PPARGC1B: variants seen among roughly 807,000 people sequenced by gnomAD.
PPARGC1B encodes the protein peroxisome proliferator-activated receptor gamma coactivator 1-beta.
Under a neutral mutation model 101.6 loss-of-function variants are expected in PPARGC1B, and 34 were observed. The observed-to-expected ratio is 0.33, with a 90% CI of 0.25 to 0.45. PPARGC1B has a LOEUF of 0.45. Among genes scored for constraint, PPARGC1B ranks in the 20% least tolerant of loss-of-function variants. The probability of loss-of-function intolerance (pLI) is 1.00; values close to 1 mark genes in which losing one functional copy is unlikely to be tolerated. For synonymous variants in PPARGC1B, 548 were observed against 539.3 expected (o/e 1.02, Z -0.22); for missense variants, 1,234 against 1,317.6 (o/e 0.94, Z 0.98).
At chr5:149,751,433 C>T (rs1755298185) in intron 1 of PPARGC1B, among the ~76,000 whole-genome samples, 1 of 152,110 alleles carries the variant, frequency 6.6e-6, no homozygotes, top group African/African-American at 2.4e-5. Context: ...CGGCCGGGCA[C>T]GCTGGCTCAT....
At chr5:149,799,693 G>GTTGTTGTTGTTTTTTT (rs752427488) in intron 1 of PPARGC1B, among the ~76,000 whole-genome samples, 2 of 76,446 alleles carry the variant, frequency 2.6e-5, no homozygotes, top group African/African-American at 1.1e-4. Flanking sequence ...GCTTGTTGTT[G>GTTGTTGTTGTTTTTTT]TTTTTTTTTT....
In PPARGC1B at chr5:149,837,635, A is replaced by C. The variant is rs922577755; in HGVS notation, c.2618+562A>C. Among the ~76,000 whole-genome samples the C allele has an allele frequency of 1.3e-5, 2 of 152,194 alleles. No individual in the cohort carries two copies. Among genetic ancestry groups the C allele is most frequent in the African/African-American group, 4.8e-5 (2 of 41,458 alleles). ...GACCTCAGTGGAGGGATGATGCCTCATGAGCCCGCTTGCTCGTATCATCCT... is the reference window on the plus strand; with the variant it reads ...GACCTCAGTGGAGGGATGATGCCTCCTGAGCCCGCTTGCTCGTATCATCCT... On this transcript the variant is annotated intron_variant, in intron 8 of 11. Coordinates refer to ENST00000309241, the MANE Select transcript of PPARGC1B (RefSeq NM_133263.4). The surrounding 1 kb of genome is among the most constrained non-coding windows in gnomAD (Gnocchi z 4.2).
intron 1 of PPARGC1B, among the ~76,000 whole-genome samples, chr5:149,797,249 T>TAC (rs1201280840): frequency 1.5e-4 from 23 of 152,228 alleles, no homozygotes; most frequent in Non-Finnish European, 5.9e-5. Flanking sequence ...GGCACTGTGT[T>TAC]ACAATGCTTT....
At chr5:149,834,861 T>C in intron 6 of PPARGC1B, 151 bp downstream of exon 6, 1 of 704,450 alleles carries the variant, frequency 1.4e-6, no homozygotes, top group Non-Finnish European at 2.4e-6. Context: ...CCTCAGGAGC[T>C]GGGCTCCTTT....
At chr5:149,766,663 G>A (rs1165561661) in intron 1 of PPARGC1B, among the ~76,000 whole-genome samples, 1 of 152,168 alleles carries the variant, frequency 6.6e-6, no homozygotes, top group Non-Finnish European at 1.5e-5. Context: ...TCTGCCATAG[G>A]GCCTGGGATT....
At position 149,833,833 on chromosome 5, in the gene PPARGC1B, C is replaced by T. The variant is rs1758930742; in HGVS notation, c.1705+55C>T. On this transcript the variant is annotated intron_variant, in intron 5 of 11. Transcript: ENST00000309241. The surrounding 1 kb of genome is among the most constrained non-coding windows in gnomAD (Gnocchi z 4.1). ...GGGCAGGGATGGGGTGCAGCATGCCCCTCTGCACTGGGAGCCAGGAGCCCT... is the reference window on the plus strand; with the variant it reads ...GGGCAGGGATGGGGTGCAGCATGCCTCTCTGCACTGGGAGCCAGGAGCCCT... The T allele has an allele frequency of 1.3e-5, 18 of 1,434,708 alleles. No individual in the cohort carries two copies. Among genetic ancestry groups the T allele is most frequent in the East Asian group, 2.5e-5 (1 of 40,064 alleles). The allele number at this position is 1,434,708 out of a possible 1,614,324, so 88.9% of individuals were successfully genotyped here.
At chr5:149,811,844 C>T (rs573192960) in intron 1 of PPARGC1B, among the ~76,000 whole-genome samples, 3 of 152,378 alleles carry the variant, frequency 2.0e-5, no homozygotes, top group African/African-American at 7.2e-5. Context: ...TTTCTCCATC[C>T]TGTTGCCCTG....
intron 1 of PPARGC1B, among the ~76,000 whole-genome samples, chr5:149,768,513 G>A (rs1363649635): frequency 6.9e-6 from 1 of 144,576 alleles, no homozygotes; most frequent in African/African-American, 2.6e-5. Context: ...GTGCCATCTC[G>A]GCTCACTGCA....
chr5:149,741,530 A>G (rs1754906595), intron 1 of PPARGC1B, among the ~76,000 whole-genome samples: 1 of 152,142 alleles, frequency 6.6e-6, no homozygotes, highest in Non-Finnish European at 1.5e-5. Flanking sequence ...GAAGCCTCAA[A>G]TGTCCATGTA....
chr5:149,784,861 C>T (rs7731014), intron 1 of PPARGC1B, among the ~76,000 whole-genome samples: 4,413 of 152,102 alleles, frequency 0.029, 189 homozygotes, highest in African/African-American at 0.099. Context: ...GCCACCGCGC[C>T]CGGTCCAGCC....
chr5:149,775,562 G>T (rs1756327835), intron 1 of PPARGC1B, among the ~76,000 whole-genome samples: 1 of 152,160 alleles, frequency 6.6e-6, no homozygotes, highest in African/African-American at 2.4e-5. Flanking sequence ...GCTCCAAGAG[G>T]CCTCAGAATC....
chr5:149,833,394 G>A lies in PPARGC1B; in HGVS notation c.1321G>A (p.Glu441Lys), dbSNP rs1758894718. 3 of 1,610,996 alleles carry A rather than the reference G, an allele frequency of 1.9e-6. No homozygotes were observed. The highest frequency in any genetic ancestry group is 2.5e-6 in the Non-Finnish European group (3 of 1,178,600). The change falls in exon 5 of 12, where the codon GAG (glutamate) becomes AAG (lysine). Residue 441 changes from glutamate to lysine, a missense_variant. By Grantham distance (56) the Glu-to-Lys change is moderately conservative. Around this residue, in one of 3 missense-constraint regions of PPARGC1B, gnomAD observed 734 missense variants for 768.4 expected, o/e 0.96. Transcript: ENST00000309241. The surrounding 1 kb of genome is among the most constrained non-coding windows in gnomAD (Gnocchi z 4.1). ...AGACGAGGAAGAAGAGGAGGAGGAAGAGGAAGAAGAAAAAGAGGAGGAGGA... is the reference window on the plus strand; with the variant it reads ...AGACGAGGAAGAAGAGGAGGAGGAAAAGGAAGAAGAAAAAGAGGAGGAGGA... ...EEDEEEEEEE[E>K]EEEKEEEEEW...
chr5:149,788,396 GAA>G (rs1163121343), intron 1 of PPARGC1B, among the ~76,000 whole-genome samples: 2 of 152,226 alleles, frequency 1.3e-5, no homozygotes, highest in Non-Finnish European at 2.9e-5. Flanking sequence ...ACACCAGTTA[GAA>G]TGGCGATCAT....
In PPARGC1B at chr5:149,830,849, G is replaced by T. The variant is rs1274208646; in HGVS notation, c.548G>T (p.Gly183Val). 1.2e-6 allele frequency: 2 copies of T among 1,614,086 alleles called. No homozygotes were observed. Among genetic ancestry groups the T allele is most frequent in the Non-Finnish European group, 1.7e-6 (2 of 1,179,912 alleles). Residue 183 changes from glycine to valine, a missense_variant, in exon 4 of 12, where the codon GGC becomes GTC. Gly to Val is a moderately radical substitution (Grantham distance 109). This residue lies in a region of PPARGC1B where 734 missense variants were observed against 768.4 expected (regional missense o/e 0.96). Transcript: ENST00000309241. ...QKEGTAWRQAGLRSKSQRPCV... is the reference protein window; with the variant it reads ...QKEGTAWRQAVLRSKSQRPCV... ...GAAGGGACCGCCTGGCGCCAGGCAG[G>T]CCTCAGATCTAAAAGTCAACGGCCT... is the stretch of plus-strand genomic sequence containing the variant.
intron 10 of PPARGC1B, among the ~76,000 whole-genome samples, chr5:149,844,133 G>A (rs545451795): frequency 1.2e-3 from 184 of 152,236 alleles, no homozygotes; most frequent in African/African-American, 4.2e-3. Context: ...GATGGTAAAT[G>A]TCCTGTTAAG....
intron 1 of PPARGC1B, among the ~76,000 whole-genome samples, chr5:149,809,477 C>CATAGATAGATAG (rs70973546): frequency 2.7e-4 from 15 of 54,800 alleles, no homozygotes; most frequent in South Asian, 6.1e-4. Context: ...CCATCTCTAC[C>CATAGATAGATAG]ATAGATAGAT....
chr5:149,761,124 A>G (rs931656554), intron 1 of PPARGC1B, among the ~76,000 whole-genome samples: 6 of 152,176 alleles, frequency 3.9e-5, no homozygotes, highest in Non-Finnish European at 8.8e-5. Context: ...TTGACAAATA[A>G]AAACTGTGTT....
rs190155504 is a variant in PPARGC1B, at chr5:149,794,619, T to C, written c.79-25814T>C. ...TGTTTGCCTCTAAAGGGCAGTTGCT[T>C]ATTTTGTCTTTTCTGTGCCTGTTGC... On this transcript the variant is annotated intron_variant, in intron 1 of 11. Transcript: ENST00000309241. 1.2e-4 allele frequency among the ~76,000 whole-genome samples: 18 copies of C among 152,312 alleles called. 1 individual carries two copies. The East Asian group carries it at 3.3e-3, about 28-fold the overall frequency.
chr5:149,821,110 G>A (rs892891311), intron 2 of PPARGC1B, among the ~76,000 whole-genome samples: 4 of 152,228 alleles, frequency 2.6e-5, no homozygotes, highest in African/African-American at 9.6e-5. Context: ...ATACCATAAT[G>A]AGATGACTGG....
Sources: allele counts gnomAD v4.1 joint callset (sites outside exome capture counted in the v4.1 genomes callset), GRCh38; gene constraint gnomAD v4.1.1; regional missense constraint gnomAD v4.1.1; non-coding constraint Gnocchi (gnomAD v3.1); transcripts MANE v1.5; gene names NCBI Gene and HGNC (gene_info 2026-07-23, HGNC 2026-07-21).